The following SDK1 variants were observed in gnomAD, a reference collection of about 807,000 sequenced individuals.
SDK1 encodes the protein sidekick cell adhesion molecule 1, also known as protein sidekick-1.
A neutral mutation model predicts 245.5 loss-of-function variants in SDK1; 157 were observed. The observed-to-expected ratio is 0.64, with a 90% CI of 0.56 to 0.73. SDK1 has a LOEUF of 0.73. Ranked by LOEUF, SDK1 falls within the 30% of genes least tolerant of loss-of-function variation. The probability of loss-of-function intolerance (pLI) is 0.00; values close to 1 mark genes in which losing one functional copy is unlikely to be tolerated. For missense variants in SDK1, 3,583 were observed against 3,002.3 expected (o/e 1.19, Z -4.52); for synonymous variants, 1,647 against 1,278.5 (o/e 1.29, Z -6.15).
chr7:3,580,918 G>A (rs145087161), intron 1 of SDK1, among the ~76,000 whole-genome samples: 8 of 129,204 alleles, frequency 6.2e-5, no homozygotes, highest in East Asian at 2.6e-4. Flanking sequence ...CAGATGAGCC[G>A]AGATTGCACC....
intron 1 of SDK1, among the ~76,000 whole-genome samples, chr7:3,585,387 CAT>C (rs983369175): frequency 6.6e-6 from 1 of 152,108 alleles, no homozygotes; most frequent in Non-Finnish European, 1.5e-5. Context: ...GAGTAGGTCT[CAT>C]AGAGATAATT....
intron 4 of SDK1, 100 bp downstream of exon 4, chr7:3,642,205 A>G: frequency 8.8e-7 from 1 of 1,141,300 alleles, no homozygotes; most frequent in Non-Finnish European, 1.2e-6. Flanking sequence ...CCGATGATTT[A>G]AAAAGAGCAA....
intron 4 of SDK1, among the ~76,000 whole-genome samples, chr7:3,765,591 G>C (rs772094940): frequency 6.6e-6 from 1 of 152,150 alleles, no homozygotes; most frequent in Non-Finnish European, 1.5e-5. Flanking sequence ...ACATGGAATA[G>C]CTTTTAATCT....
chr7:3,325,523 G>C (rs186135182), intron 1 of SDK1, among the ~76,000 whole-genome samples: 7 of 152,074 alleles, frequency 4.6e-5, no homozygotes, highest in Non-Finnish European at 1.0e-4. Context: ...ATGTGAAGAA[G>C]CTCTTTTTCT....
Position 3,748,812 on chromosome 7 carries a change from T to A in SDK1, c.714-72638T>A, listed in dbSNP as rs1346856336. Among the ~76,000 whole-genome samples, 3 of 152,174 alleles carry A rather than the reference T, an allele frequency of 2.0e-5. No individual in the cohort carries two copies. In the East Asian group the frequency reaches 5.8e-4, roughly 29 times the overall value. ...CAACCCTATAATTACTATACATAAA[T>A]CCAAGGTTTCAGGTACCGAATGCTT... On this transcript the variant is annotated intron_variant, in intron 4 of 44. Transcript: ENST00000404826.
At chr7:3,695,316 T>C (rs1297400823) in intron 4 of SDK1, among the ~76,000 whole-genome samples, 1 of 152,206 alleles carries the variant, frequency 6.6e-6, no homozygotes, top group Non-Finnish European at 1.5e-5. Flanking sequence ...CTTTCCATGA[T>C]TTTAAATATT....
chr7:4,074,884 C>CTCTCTCTCTCTCTGTGTG lies in SDK1; in HGVS notation c.3011-2113_3011-2112insCTCTCTCTCTCTGTGTGT, dbSNP rs1377225405. Among the ~76,000 whole-genome samples, 7 of 62,490 alleles carry CTCTCTCTCTCTCTGTGTG rather than the reference C, an allele frequency of 1.1e-4. 1 individual carries two copies. Among genetic ancestry groups the CTCTCTCTCTCTCTGTGTG allele is most frequent in the African/African-American group, 7.3e-4 (6 of 8,208 alleles). The allele number at this position is 62,490 out of a possible 152,430, so 41.0% of individuals were successfully genotyped here. A position where few individuals can be genotyped will look rare whatever the true frequency, so the allele number is the denominator to read the frequency against. On this transcript the variant is annotated intron_variant, in intron 20 of 44. Coordinates refer to ENST00000404826, the MANE Select transcript of SDK1 (RefSeq NM_152744.4). ...TCTCTCTCTCTCTCTCTCTCTCTCTCTGTATATATATATATATATATATAT... is the reference window on the plus strand; with the variant it reads ...TCTCTCTCTCTCTCTCTCTCTCTCTCTCTCTCTCTCTCTGTGTGTGTATATATATATATATATATATAT...
rs576568159 is a variant in SDK1, at chr7:4,206,005, C to T, written c.5214+11C>T. 6.6e-7 allele frequency: 1 copy of T among 1,508,626 alleles called. No individual in the cohort carries two copies. The allele number at this position is 1,508,626 out of a possible 1,614,324, so 93.5% of individuals were successfully genotyped here. A position where few individuals can be genotyped will look rare whatever the true frequency, so the allele number is the denominator to read the frequency against. The stretch of plus-strand genomic sequence containing the variant: ...ATCCAAGGCTACAAGGCAAGGCCCT[C>T]CCGTGCGGTTGCCTCCCCTGGCTCG... On this transcript the variant is annotated intron_variant, in intron 36 of 44. Transcript: ENST00000404826.
intron 10 of SDK1, 32 bp downstream of exon 10, chr7:3,967,466 G>A (rs773673524): frequency 7.4e-7 from 1 of 1,349,846 alleles, no homozygotes; most frequent in Non-Finnish European, 1.1e-6. Flanking sequence ...CAACAGCATG[G>A]CCCATGTAGA....
Position 4,067,936 on chromosome 7 carries a change from G to A in SDK1, c.3010G>A (p.Gly1004Ser). ...EPLEKNGIIT[G>S]YQISWEVYGR... The stretch of plus-strand genomic sequence containing the variant: ...CCTGGAGAAAAATGGCATCATTACT[G>A]GTAAGTAGGCCTGTCCTTCAAAAAA... The change falls in exon 20 of 45, where the codon GGC becomes AGC. Residue 1004 changes from glycine (G) to serine (S), a missense_variant and splice_region_variant. Transcript: ENST00000404826. 1 of 1,601,014 alleles carries A rather than the reference G, an allele frequency of 6.2e-7. No homozygotes were observed. The highest frequency in any genetic ancestry group is 8.5e-7 in the Non-Finnish European group (1 of 1,169,766).
chr7:3,739,773 A>G (rs1037181541), intron 4 of SDK1, among the ~76,000 whole-genome samples: 2 of 152,050 alleles, frequency 1.3e-5, no homozygotes, highest in African/African-American at 4.8e-5. Context: ...GGCAGTTTCT[A>G]TTGATTGCTT....
At chr7:4,107,490 C>G (rs10227278) in intron 22 of SDK1, among the ~76,000 whole-genome samples, 1 of 148,892 alleles carries the variant, frequency 6.7e-6, no homozygotes, top group East Asian at 2.0e-4. Flanking sequence ...CTTTCTTCTT[C>G]TTTTTTTTTT....
At chr7:3,796,564 C>G (rs1288995603) in intron 4 of SDK1, among the ~76,000 whole-genome samples, 6 of 152,188 alleles carry the variant, frequency 3.9e-5, no homozygotes, top group Non-Finnish European at 8.8e-5. Flanking sequence ...CTGCTGGCTC[C>G]ACTTTCAGTA....
chr7:3,715,378 G>T (rs912732741), intron 4 of SDK1, among the ~76,000 whole-genome samples: 4 of 152,178 alleles, frequency 2.6e-5, no homozygotes, highest in African/African-American at 9.7e-5. Flanking sequence ...AGGCTACGTA[G>T]GTTCTTCCCT....
intron 5 of SDK1, among the ~76,000 whole-genome samples, chr7:3,906,178 A>T (rs1257349091): frequency 6.6e-6 from 1 of 152,046 alleles, no homozygotes; most frequent in Non-Finnish European, 1.5e-5. Flanking sequence ...AATTCCAATG[A>T]CTATATTTTT....
chr7:3,464,490 C>T (rs1317253343), intron 1 of SDK1, among the ~76,000 whole-genome samples: 1 of 152,154 alleles, frequency 6.6e-6, no homozygotes, highest in Non-Finnish European at 1.5e-5. Context: ...CACTGCACTC[C>T]AGCCTGGGTG....
intron 35 of SDK1, among the ~76,000 whole-genome samples, chr7:4,188,162 G>A (rs1227294220): frequency 2.0e-5 from 3 of 152,236 alleles, no homozygotes; most frequent in Admixed American, 2.0e-4. Context: ...ATTTGGGTGG[G>A]GGCACAGCCC....
At chr7:4,235,848 G>A (rs903139055) in intron 41 of SDK1, among the ~76,000 whole-genome samples, 3 of 152,206 alleles carry the variant, frequency 2.0e-5, no homozygotes, top group African/African-American at 7.2e-5. Flanking sequence ...ACCGGGCCAG[G>A]CCCGCAGCCA....
chr7:3,666,528 C>T (rs1336095130), intron 4 of SDK1, among the ~76,000 whole-genome samples: 3 of 152,158 alleles, frequency 2.0e-5, no homozygotes, highest in African/African-American at 7.2e-5. Context: ...TGGGGTCTGG[C>T]GACACCTCTC....
Sources: gnomAD v4.1 joint callset for allele counts (sites outside exome capture counted in the v4.1 genomes callset) on GRCh38, gnomAD v4.1.1 for gene constraint, MANE v1.5 for transcripts, NCBI Gene and HGNC (gene_info 2026-07-23, HGNC 2026-07-21) for gene names.